ZBTB20: variants seen among roughly 807,000 people sequenced by gnomAD.
ZBTB20 encodes the protein zinc finger and BTB domain containing 20, also known as zinc finger and BTB domain-containing protein 20.
Under a neutral mutation model 56.9 loss-of-function variants are expected in ZBTB20, and 9 were observed. That is an observed-to-expected ratio of 0.16 (90% confidence interval 0.10 to 0.28). The LOEUF (loss-of-function observed/expected upper bound fraction) is 0.28, where lower values mean the gene tolerates loss of function less well. Ranked by LOEUF, ZBTB20 falls within the 10% of genes least tolerant of loss-of-function variation. ZBTB20 has a pLI of 1.00. For missense variants in ZBTB20, 655 were observed against 1,003.0 expected, an observed-to-expected ratio of 0.65 and a Z score of 4.69; for synonymous variants, 417 against 420.7, an observed-to-expected ratio of 0.99 and a Z score of 0.11.
At chr3:114,861,222 T>C (rs1354276365) in intron 4 of ZBTB20, among the ~76,000 whole-genome samples, 2 of 152,174 alleles carry the variant, frequency 1.3e-5, no homozygotes, top group Non-Finnish European at 2.9e-5. Context: ...TTACTCTACC[T>C]ATCTCACTTT....
At chr3:114,749,335 C>T (rs1164537468) in intron 5 of ZBTB20, among the ~76,000 whole-genome samples, 1 of 152,054 alleles carries the variant, frequency 6.6e-6, no homozygotes, top group Non-Finnish European at 1.5e-5. Context: ...GGGCGGATCA[C>T]AAGGTCAGGA....
chr3:114,844,373 T>TATATATATATA (rs1467342908), intron 4 of ZBTB20, among the ~76,000 whole-genome samples: 80 of 88,192 alleles, frequency 9.1e-4, no homozygotes, highest in South Asian at 1.5e-3. Context: ...ATATATATAT[T>TATATATATATA]AGCTGAGAGT....
rs747198652 is a variant in ZBTB20, at chr3:114,351,306, C to T, written c.772G>A (p.Glu258Lys). 2.6e-5 allele frequency: 42 copies of T among 1,605,186 alleles called. No homozygotes were observed. Among genetic ancestry groups the T allele is most frequent in the Non-Finnish European group, 3.4e-5 (40 of 1,178,830 alleles). Residue 258 changes from glutamate (E) to lysine (K), a missense_variant, in exon 11 of 12, where the codon GAG becomes AAG. Glu to Lys is a moderately conservative substitution (Grantham distance 56). Coordinates refer to ENST00000675478, the MANE Select transcript of ZBTB20 (RefSeq NM_001348800.3). Reference protein sequence around the residue: ...YACSMQNGSGERSFYSGAVVS... With the variant: ...YACSMQNGSGKRSFYSGAVVS... Reference sequence around the variant, plus strand: ...ACTGCGCCGCTGTAAAAAGAGCGCTCGCCGCTGCCATTCTGCATGGAGCAC... The same window carrying T: ...ACTGCGCCGCTGTAAAAAGAGCGCTTGCCGCTGCCATTCTGCATGGAGCAC...
intron 10 of ZBTB20, among the ~76,000 whole-genome samples, chr3:114,360,972 T>C (rs1208409177): frequency 6.6e-6 from 1 of 152,166 alleles, no homozygotes; most frequent in African/African-American, 2.4e-5. Context: ...GGTAAATAAG[T>C]AAAGTAGAAG....
intron 4 of ZBTB20, among the ~76,000 whole-genome samples, chr3:114,806,166 T>C (rs1016900731): frequency 2.6e-5 from 4 of 151,864 alleles, no homozygotes; most frequent in Non-Finnish European, 4.4e-5. Context: ...TTTAAGAAAC[T>C]TCCAAACCAC....
At chr3:115,105,736 T>A (rs560718249) in intron 1 of ZBTB20, among the ~76,000 whole-genome samples, 2 of 152,316 alleles carry the variant, frequency 1.3e-5, no homozygotes, top group East Asian at 3.9e-4. Flanking sequence ...ATAAACACAA[T>A]AAAATATTTC....
intron 5 of ZBTB20, among the ~76,000 whole-genome samples, chr3:114,788,195 G>A (rs2070695803): frequency 6.6e-6 from 1 of 151,814 alleles, no homozygotes; most frequent in Non-Finnish European, 1.5e-5. Flanking sequence ...TTTTTATTGT[G>A]GTAAAATATA....
intron 1 of ZBTB20, among the ~76,000 whole-genome samples, chr3:115,087,862 G>T (rs2083045482): frequency 6.6e-6 from 1 of 151,914 alleles, no homozygotes; most frequent in Non-Finnish European, 1.5e-5. Context: ...CTTTGCCTCT[G>T]CAGGGAAATA....
intron 2 of ZBTB20, among the ~76,000 whole-genome samples, chr3:115,040,844 T>C (rs574514797): frequency 6.6e-6 from 1 of 152,276 alleles, no homozygotes; most frequent in East Asian, 1.9e-4. Flanking sequence ...CTCGAGTTAC[T>C]GGCACCAGCA....
At chr3:114,469,852 G>A (rs1235742306) in intron 7 of ZBTB20, among the ~76,000 whole-genome samples, 1 of 152,008 alleles carries the variant, frequency 6.6e-6, no homozygotes, top group Non-Finnish European at 1.5e-5. Flanking sequence ...TTTGCCATTG[G>A]AAATATCATA....
intron 7 of ZBTB20, among the ~76,000 whole-genome samples, chr3:114,400,898 T>A (rs1276623263): frequency 6.6e-6 from 1 of 152,112 alleles, no homozygotes; most frequent in African/African-American, 2.4e-5. Context: ...CGAGTCGGCA[T>A]TGATTTCTCC....
chr3:115,019,749 A>C (rs1333735493), intron 2 of ZBTB20, among the ~76,000 whole-genome samples: 2 of 151,270 alleles, frequency 1.3e-5, no homozygotes, highest in African/African-American at 4.8e-5. Context: ...CAATAAAGAG[A>C]AGTCTCTTCC....
At position 114,816,727 on chromosome 3, in the gene ZBTB20, T is replaced by C. The variant is rs146449760; in HGVS notation, c.-416-15553A>G. On this transcript the variant is annotated intron_variant, in intron 4 of 11. Coordinates refer to ENST00000675478, the MANE Select transcript of ZBTB20 (RefSeq NM_001348800.3). The stretch of plus-strand genomic sequence containing the variant: ...CTTCGCCATTCACATTTTGGGTTTC[T>C]CCTACTATGCATGTTAACTCTTTGT... 7.0e-3 allele frequency among the ~76,000 whole-genome samples: 1,073 copies of C among 152,294 alleles called. 6 individuals are homozygous for C. The highest frequency in any genetic ancestry group is 0.023 in the African/African-American group (964 of 41,572).
chr3:115,145,758 C>A (rs561461004), intron 1 of ZBTB20, among the ~76,000 whole-genome samples: 12 of 152,164 alleles, frequency 7.9e-5, no homozygotes, highest in African/African-American at 2.9e-4. Context: ...GGAGCATGAA[C>A]AGAAATGAAA....
chr3:114,388,537 G>C (rs575747931), intron 8 of ZBTB20: 1 of 152,500 alleles, frequency 6.6e-6, no homozygotes, highest in South Asian at 2.1e-4. Context: ...CAAGGGAAGG[G>C]CAGCAAGGAG....
At chr3:114,957,478 C>T (rs151168380) in intron 3 of ZBTB20, among the ~76,000 whole-genome samples, 29 of 152,228 alleles carry the variant, frequency 1.9e-4, no homozygotes, top group African/African-American at 6.0e-4. Flanking sequence ...ATGCATTTAT[C>T]TCTGTGGATT....
At chr3:115,040,836 C>T (rs569620470) in intron 2 of ZBTB20, among the ~76,000 whole-genome samples, 10 of 152,014 alleles carry the variant, frequency 6.6e-5, no homozygotes, top group African/African-American at 1.2e-4. Flanking sequence ...GTGGAATCCT[C>T]GAGTTACTGG....
rs541234384 is a variant in ZBTB20, at chr3:115,000,124, T to A, written c.-506-25708A>T. ...AGATCCATCTGGCAATACCATCTAA[T>A]ATTTAACTTTGAAGGCACTGTTATC... On this transcript the variant is annotated intron_variant, in intron 2 of 11. Transcript: ENST00000675478. 9.2e-5 allele frequency among the ~76,000 whole-genome samples: 14 copies of A among 151,750 alleles called. No individual in the cohort carries two copies. The South Asian group carries it at 2.7e-3, about 29-fold the overall frequency.
rs539138640 is a variant in ZBTB20, at chr3:114,709,299, G to C, written c.-342-15724C>G. Among the ~76,000 whole-genome samples, 109 of 152,122 alleles carry C rather than the reference G, an allele frequency of 7.2e-4. 1 individual carries two copies. Among genetic ancestry groups the C allele is most frequent in the South Asian group, 3.7e-3 (18 of 4,812 alleles). ...TTGTAAGAGACACCACCCCTCTCAT[G>C]GTTCTTACTCACCCCTACACCCACA... is the stretch of plus-strand genomic sequence containing the variant. On this transcript the variant is annotated intron_variant, in intron 5 of 11. Coordinates refer to ENST00000675478, the MANE Select transcript of ZBTB20 (RefSeq NM_001348800.3).
Sources: gnomAD v4.1 joint callset for allele counts (sites outside exome capture counted in the v4.1 genomes callset) on GRCh38, gnomAD v4.1.1 for gene constraint, MANE v1.5 for transcripts, NCBI Gene and HGNC (gene_info 2026-07-23, HGNC 2026-07-21) for gene names.